Variants in CCDC102B observed in about 807,000 individuals in gnomAD.
CCDC102B encodes the protein coiled-coil domain-containing protein 102B.
A neutral mutation model predicts 57.4 loss-of-function variants in CCDC102B; 75 were observed. The ratio of observed to expected loss-of-function variants is 1.31; its 90% CI spans 1.08 to 1.58. CCDC102B has a LOEUF of 1.58. Among genes scored for constraint, CCDC102B ranks in the 40% most tolerant of loss-of-function variants. The probability of loss-of-function intolerance (pLI) is 0.00; values close to 1 mark genes in which losing one functional copy is unlikely to be tolerated. For missense variants in CCDC102B, 636 were observed against 582.6 expected (o/e 1.09, Z -0.94); for synonymous variants, 206 against 201.9 (o/e 1.02, Z -0.17).
chr18:69,017,973 T>C (rs2051715661), intron 7 of CCDC102B, among the ~76,000 whole-genome samples: 1 of 152,014 alleles, frequency 6.6e-6, no homozygotes, highest in African/African-American at 2.4e-5. Context: ...CAGAATTTCC[T>C]TCTTTTTAAG....
At chr18:68,779,408 A>G (rs1035129002) in intron 2 of CCDC102B, among the ~76,000 whole-genome samples, 3 of 152,184 alleles carry the variant, frequency 2.0e-5, no homozygotes, top group Non-Finnish European at 2.9e-5. Context: ...TAAGCATAGC[A>G]CAAAGATTGC....
At chr18:68,811,938 T>A (rs2036281769) in intron 1 of CCDC102B, among the ~76,000 whole-genome samples, 1 of 152,158 alleles carries the variant, frequency 6.6e-6, no homozygotes, top group Non-Finnish European at 1.5e-5. Flanking sequence ...AAGGGGAAAA[T>A]AACTCAGTCA....
chr18:68,864,390 T>C (rs1211457408), intron 4 of CCDC102B, among the ~76,000 whole-genome samples: 1 of 152,036 alleles, frequency 6.6e-6, no homozygotes, highest in Non-Finnish European at 1.5e-5. Context: ...TCAGCTCATT[T>C]AAAATACTGA....
intron 5 of CCDC102B, among the ~76,000 whole-genome samples, chr18:68,875,532 G>T (rs1406979813): frequency 2.0e-5 from 3 of 152,064 alleles, no homozygotes; most frequent in Admixed American, 6.6e-5. Flanking sequence ...ACTGTAGGCT[G>T]GTAGAAAACT....
intron 6 of CCDC102B, among the ~76,000 whole-genome samples, chr18:68,915,758 C>A (rs1218067009): frequency 1.3e-5 from 2 of 152,262 alleles, no homozygotes; most frequent in Non-Finnish European, 2.9e-5. Context: ...GTGTCTTATC[C>A]ACTTTTTGCT....
At chr18:68,886,676 C>T (rs796582491) in intron 5 of CCDC102B, among the ~76,000 whole-genome samples, 13 of 152,246 alleles carry the variant, frequency 8.5e-5, no homozygotes, top group Middle Eastern at 3.4e-3. Flanking sequence ...AATCTTGTCA[C>T]TGACTACATA....
At chr18:68,899,114 A>T (rs1336373111) in intron 6 of CCDC102B, among the ~76,000 whole-genome samples, 2 of 120 alleles carry the variant, frequency 0.017, no homozygotes, top group Non-Finnish European at 0.042. Context: ...TTTGATGGTG[A>T]GGGTGGTGGT....
chr18:68,989,333 T>G (rs1385837308), intron 6 of CCDC102B, among the ~76,000 whole-genome samples: 1 of 152,220 alleles, frequency 6.6e-6, no homozygotes, highest in Admixed American at 6.5e-5. Flanking sequence ...ACATACCAAG[T>G]AGAATAAAAA....
intron 1 of CCDC102B, among the ~76,000 whole-genome samples, chr18:68,827,664 T>C (rs2036959881): frequency 6.6e-6 from 1 of 151,914 alleles, no homozygotes. Flanking sequence ...TTACTGTAAA[T>C]GTAAATGGCC....
At chr18:68,958,053 T>C (rs7230512) in intron 6 of CCDC102B, among the ~76,000 whole-genome samples, 91,173 of 151,960 alleles carry the variant, frequency 0.6, 27,551 homozygotes, top group South Asian at 0.67. Context: ...GTGAAAGGCA[T>C]GTCTCACATG....
chr18:68,747,729 C>T (rs180847055), intron 2 of CCDC102B, among the ~76,000 whole-genome samples: 3 of 152,230 alleles, frequency 2.0e-5, no homozygotes, highest in Admixed American at 1.3e-4. Flanking sequence ...TACAGTGATA[C>T]ATCATTATAT....
chr18:68,815,759 T>C (rs530363597), intron 1 of CCDC102B, among the ~76,000 whole-genome samples: 2 of 152,246 alleles, frequency 1.3e-5, no homozygotes, highest in African/African-American at 4.8e-5. Context: ...TTCATCTTTT[T>C]ATAGATATAA....
chr18:68,765,951 GAC>G (rs2034456744), intron 2 of CCDC102B, among the ~76,000 whole-genome samples: 1 of 151,842 alleles, frequency 6.6e-6, no homozygotes, highest in African/African-American at 2.4e-5. Context: ...GTCTTTTAAG[GAC>G]ATAGCAGTTT....
intron 6 of CCDC102B, among the ~76,000 whole-genome samples, chr18:68,942,825 TCG>T: frequency 1.3e-5 from 2 of 150,244 alleles, no homozygotes; most frequent in Non-Finnish European, 3.0e-5. Flanking sequence ...TTTACAGGTG[TCG>T]GGCTGGGGTA....
intron 4 of CCDC102B, among the ~76,000 whole-genome samples, chr18:68,872,022 C>A (rs527810060): frequency 1.3e-5 from 2 of 152,110 alleles, no homozygotes; most frequent in East Asian, 3.9e-4. Context: ...TTGTGAAGGG[C>A]AAGCTGATTG....
intron 6 of CCDC102B, among the ~76,000 whole-genome samples, chr18:68,987,980 G>A (rs2050766479): frequency 6.6e-6 from 1 of 152,104 alleles, no homozygotes; most frequent in Admixed American, 6.5e-5. Flanking sequence ...GTGGAAAGCA[G>A]TTTGGAGATT....
chr18:68,754,801 G>C lies in CCDC102B; in HGVS notation c.-67+38207G>C, dbSNP rs80234490. 316 of 152,292 alleles carry C rather than the reference G, an allele frequency of 2.1e-3. 3 individuals are homozygous for C. The highest frequency in any genetic ancestry group is 7.2e-3 in the African/African-American group (298 of 41,542). The allele number at this position is 152,292 out of a possible 1,614,324, so 9.4% of individuals were successfully genotyped here. On this transcript the variant is annotated intron_variant, in intron 2 of 3. Transcript: ENST00000578970. ...AGCCATTGGTACGTGATTAGATACTGACTGGAGCTTTCATGAATAGGATCA... is the reference window on the plus strand; with the variant it reads ...AGCCATTGGTACGTGATTAGATACTCACTGGAGCTTTCATGAATAGGATCA...
At chr18:68,989,033 C>T (rs974652958) in intron 6 of CCDC102B, among the ~76,000 whole-genome samples, 2 of 152,180 alleles carry the variant, frequency 1.3e-5, no homozygotes, top group African/African-American at 4.8e-5. Flanking sequence ...TCATATCTCT[C>T]ATATCTGTTC....
chr18:69,053,660 C>A (rs2052762253), intron 7 of CCDC102B, among the ~76,000 whole-genome samples: 2 of 151,500 alleles, frequency 1.3e-5, no homozygotes, highest in Non-Finnish European at 3.0e-5. Context: ...TAAAGAGTTA[C>A]TTTATTTCAA....
Sources: gnomAD v4.1 joint callset for allele counts (sites outside exome capture counted in the v4.1 genomes callset) on GRCh38, gnomAD v4.1.1 for gene constraint, MANE v1.5 for transcripts, NCBI Gene and HGNC (gene_info 2026-07-23, HGNC 2026-07-21) for gene names.